The following GAB1 variants were observed in gnomAD, a reference collection of about 807,000 sequenced individuals.
GAB1 encodes GRB2-associated-binding protein 1.
A neutral mutation model predicts 66.5 loss-of-function variants in GAB1; 19 were observed. That is an observed-to-expected ratio of 0.29 (90% confidence interval 0.20 to 0.42). The LOEUF (loss-of-function observed/expected upper bound fraction) is 0.42, where lower values mean the gene tolerates loss of function less well. GAB1 is among the 10% of genes least tolerant of loss of function. GAB1 has a pLI of 1.00. For missense variants in GAB1, 732 were observed against 858.5 expected, an observed-to-expected ratio of 0.85 and a Z score of 1.84; for synonymous variants, 294 against 301.4, an observed-to-expected ratio of 0.98 and a Z score of 0.25.
intron 1 of GAB1, among the ~76,000 whole-genome samples, chr4:143,376,134 C>T (rs777124240): frequency 2.6e-5 from 4 of 152,160 alleles, no homozygotes; most frequent in Non-Finnish European, 5.9e-5. Flanking sequence ...CCACCTCCAC[C>T]TTTATACTTA....
At chr4:143,358,121 G>A (rs28989212) in intron 1 of GAB1, among the ~76,000 whole-genome samples, 4,810 of 152,112 alleles carry the variant, frequency 0.032, 251 homozygotes, top group African/African-American at 0.11. Context: ...TATTTTATAC[G>A]TTGTGTGTAC....
chr4:143,400,894 G>C (rs1048377193), intron 1 of GAB1, among the ~76,000 whole-genome samples: 1 of 151,586 alleles, frequency 6.6e-6, no homozygotes, highest in South Asian at 2.1e-4. Context: ...ACTTGAACCT[G>C]GGAGGCAGAG....
intron 1 of GAB1, among the ~76,000 whole-genome samples, chr4:143,400,291 C>G (rs1315657742): frequency 6.6e-6 from 1 of 152,048 alleles, no homozygotes; most frequent in East Asian, 1.9e-4. Flanking sequence ...GAGAACAGAG[C>G]AGCAAAGAGA....
chr4:143,451,830 A>G (rs1364793217), intron 6 of GAB1, among the ~76,000 whole-genome samples: 2 of 151,952 alleles, frequency 1.3e-5, no homozygotes, highest in Non-Finnish European at 2.9e-5. Context: ...TATAAGCGGA[A>G]CTCATACAGC....
intron 1 of GAB1, among the ~76,000 whole-genome samples, chr4:143,353,936 T>C (rs1259576223): frequency 6.6e-6 from 1 of 152,200 alleles, no homozygotes; most frequent in African/African-American, 2.4e-5. Flanking sequence ...TCTTCATATC[T>C]GCTTTGTAAG....
At chr4:143,377,057 A>T (rs1730450749) in intron 1 of GAB1, among the ~76,000 whole-genome samples, 1 of 151,478 alleles carries the variant, frequency 6.6e-6, no homozygotes, top group Non-Finnish European at 1.5e-5. Context: ...AAGCTAACTG[A>T]TGAATGTTTT....
chr4:143,409,319 T>C (rs1319576565), intron 1 of GAB1, among the ~76,000 whole-genome samples: 1 of 152,012 alleles, frequency 6.6e-6, no homozygotes, highest in Non-Finnish European at 1.5e-5. Flanking sequence ...CAGGTAAGTA[T>C]GGTTTTGAAG....
chr4:143,427,746 AAAG>A (rs552033973), intron 2 of GAB1, among the ~76,000 whole-genome samples: 248 of 152,292 alleles, frequency 1.6e-3, no homozygotes, highest in African/African-American at 5.8e-3. Context: ...AGAGGAGGAA[AAAG>A]AAGATTTTTT....
intron 4 of GAB1, 151 bp from the exon 5 acceptor site, chr4:143,439,651 G>A: frequency 1.7e-6 from 1 of 598,888 alleles, no homozygotes. Flanking sequence ...GCCAATTCAA[G>A]ACACAGTTCT....
At chr4:143,411,841 G>A (rs1732408585) in intron 1 of GAB1, among the ~76,000 whole-genome samples, 1 of 152,180 alleles carries the variant, frequency 6.6e-6, no homozygotes, top group Non-Finnish European at 1.5e-5. Context: ...TGTAGTTTAT[G>A]TAATTGCTTT....
chr4:143,414,679 AAAG>A (rs1732586070), intron 1 of GAB1, among the ~76,000 whole-genome samples: 1 of 143,058 alleles, frequency 7.0e-6, no homozygotes. Context: ...CACCTAAAAA[AAAG>A]AGAAATCTTT....
intron 1 of GAB1, among the ~76,000 whole-genome samples, chr4:143,383,032 A>G (rs1452919588): frequency 6.6e-6 from 1 of 152,144 alleles, no homozygotes; most frequent in African/African-American, 2.4e-5. Context: ...CTGTTTTCTC[A>G]GTTTGAAAGT....
intron 1 of GAB1, among the ~76,000 whole-genome samples, chr4:143,345,162 A>G (rs945425879): frequency 4.6e-5 from 7 of 152,238 alleles, no homozygotes; most frequent in Non-Finnish European, 1.0e-4. Flanking sequence ...CTACCATTTA[A>G]TCATTCTTTC....
At chr4:143,372,918 G>C (rs1217014484) in intron 1 of GAB1, among the ~76,000 whole-genome samples, 4 of 152,134 alleles carry the variant, frequency 2.6e-5, no homozygotes, top group African/African-American at 9.7e-5. Context: ...TTAAAATGAT[G>C]CTCCCAGAAT....
chr4:143,420,593 G>A (rs1732959039), intron 2 of GAB1, among the ~76,000 whole-genome samples: 2 of 152,062 alleles, frequency 1.3e-5, no homozygotes, highest in South Asian at 2.1e-4. Flanking sequence ...TCTTGGAAAT[G>A]TACAGATTTA....
chr4:143,351,598 T>G (rs997412005), intron 1 of GAB1, among the ~76,000 whole-genome samples: 6 of 152,092 alleles, frequency 3.9e-5, no homozygotes, highest in Admixed American at 6.6e-5. Flanking sequence ...CTCACCTAGG[T>G]TCGTGGGGAT....
intron 1 of GAB1, among the ~76,000 whole-genome samples, chr4:143,340,851 A>G (rs535414442): frequency 3.2e-4 from 48 of 152,298 alleles, no homozygotes; most frequent in Admixed American, 1.4e-3. Flanking sequence ...ATGGCCCCCA[A>G]TGTATTCCAT....
intron 1 of GAB1, among the ~76,000 whole-genome samples, chr4:143,377,650 A>T (rs1730474245): frequency 1.3e-5 from 2 of 152,208 alleles, no homozygotes; most frequent in African/African-American, 4.8e-5. Context: ...CCTGGCAGAT[A>T]AGAGCATGTC....
At chr4:143,428,313 T>C (rs1377706829) in intron 2 of GAB1, among the ~76,000 whole-genome samples, 2 of 152,200 alleles carry the variant, frequency 1.3e-5, no homozygotes, top group African/African-American at 4.8e-5. Flanking sequence ...GTATGGACTC[T>C]ATATCATAAG....
Sources: gnomAD v4.1 joint callset for allele counts (sites outside exome capture counted in the v4.1 genomes callset) on GRCh38, gnomAD v4.1.1 for gene constraint, MANE v1.5 for transcripts, NCBI Gene and HGNC (gene_info 2026-07-23, HGNC 2026-07-21) for gene names.